Variants in ZNF532 observed in about 807,000 individuals in gnomAD.
The protein encoded by ZNF532 is zinc finger protein 532.
ZNF532 carries 22 observed loss-of-function variants against 89.3 expected under a neutral mutation model. The ratio of observed to expected loss-of-function variants is 0.25; its 90% CI spans 0.18 to 0.35. ZNF532 has a LOEUF of 0.35. Ranked by LOEUF, ZNF532 falls within the 10% of genes least tolerant of loss-of-function variation. ZNF532 has a pLI of 1.00. For missense variants in ZNF532, 1,132 were observed against 1,643.4 expected (o/e 0.69, Z 5.38); for synonymous variants, 606 against 649.6 (o/e 0.93, Z 1.02).
upstream of ZNF532, chr18:58,864,280 C>G (rs1184214315): frequency 6.9e-6 from 1 of 145,250 alleles, no homozygotes; most frequent in Non-Finnish European, 1.5e-5. Context: ...GTGGTGGTGA[C>G]AGGGCTGGGA....
At chr18:58,928,863 G>A (rs967796752) in intron 3 of ZNF532, among the ~76,000 whole-genome samples, 7 of 152,216 alleles carry the variant, frequency 4.6e-5, no homozygotes, top group African/African-American at 1.7e-4. Flanking sequence ...AAGTATTTAA[G>A]AGCTGAGGAC....
At chr18:58,925,167 G>A (rs950499008) in intron 3 of ZNF532, among the ~76,000 whole-genome samples, 1 of 152,068 alleles carries the variant, frequency 6.6e-6, no homozygotes, top group South Asian at 2.1e-4. Context: ...TGTTTTACAT[G>A]GTATTTGCAC....
chr18:58,975,628 G>A (rs574826096), intron 7 of ZNF532, among the ~76,000 whole-genome samples: 1 of 152,328 alleles, frequency 6.6e-6, no homozygotes, highest in South Asian at 2.1e-4. Flanking sequence ...AAGGAGGCGG[G>A]ATTAATGCTT....
At chr18:58,977,686 C>T (rs1301760831) in intron 7 of ZNF532, 1 of 152,104 alleles carries the variant, frequency 6.6e-6, no homozygotes, top group African/African-American at 2.4e-5. Context: ...CTTGTCTCTA[C>T]TAAAAATACA....
At chr18:58,900,256 G>A (rs1212658458) in intron 2 of ZNF532, among the ~76,000 whole-genome samples, 1 of 152,242 alleles carries the variant, frequency 6.6e-6, no homozygotes, top group Admixed American at 6.5e-5. Context: ...TTTCACTGGT[G>A]CTTTTGTTTT....
intron 3 of ZNF532, among the ~76,000 whole-genome samples, chr18:58,933,932 G>T (rs1365752383): frequency 2.0e-5 from 3 of 152,126 alleles, no homozygotes; most frequent in Non-Finnish European, 2.9e-5. Flanking sequence ...ACAAATAATT[G>T]CTGTAGCCAT....
chr18:58,979,102 G>T lies in ZNF532; in HGVS notation c.3198G>T (p.Ser1066=), dbSNP rs199973703. 1 of 1,613,068 alleles carries T rather than the reference G, an allele frequency of 6.2e-7. No individual in the cohort carries two copies. ...PCRQCDKSFS[S]SHSLCRHNRI... is the part of the protein sequence containing the mutation. ...GCCAGTGTGACAAGTCTTTCAGCTC[G>T]TCCCACAGCCTGTGCCGGCACAACC... is the stretch of plus-strand genomic sequence containing the variant. The change falls in exon 8 of 10, where the codon TCG becomes TCT. Residue 1066 remains serine, a synonymous_variant. Transcript: ENST00000591808.
intron 3 of ZNF532, chr18:58,934,103 A>G (rs1568360049): frequency 5.0e-6 from 1 of 200,350 alleles, no homozygotes; most frequent in Admixed American, 5.4e-5. Context: ...ACTATATATT[A>G]AAGTCTTTTG....
chr18:58,919,025 C>T lies in ZNF532; in HGVS notation c.738C>T (p.Ser246=), dbSNP rs201955769. 85 of 1,613,660 alleles carry T rather than the reference C, an allele frequency of 5.3e-5. No homozygotes were observed. The East Asian group carries it at 1.1e-3, about 21-fold the overall frequency. Residue 246 remains serine, a synonymous_variant, in exon 3 of 10, where the codon TCC becomes TCT. Transcript: ENST00000591808. The surrounding 1 kb of genome is among the most constrained non-coding windows in gnomAD (Gnocchi z 6.1). ...GAGTCCTAGATGGGAAGCTGAGCTC[C>T]GAGAAGAATGACACCAGCCTCCCCA... ...ENRVLDGKLS[S]EKNDTSLPSV...
chr18:58,901,414 A>T (rs1463841418), intron 2 of ZNF532, among the ~76,000 whole-genome samples: 1 of 152,164 alleles, frequency 6.6e-6, no homozygotes, highest in Admixed American at 6.5e-5. Context: ...CTGTAGAGCC[A>T]TTGTGCAGAG....
At chr18:58,884,976 AG>A (rs2058183230) in intron 2 of ZNF532, among the ~76,000 whole-genome samples, 1 of 133,446 alleles carries the variant, frequency 7.5e-6, no homozygotes. Flanking sequence ...TACCAGTACA[AG>A]GGTTTTTTTT....
chr18:58,884,655 C>T (rs1827515264), intron 2 of ZNF532, among the ~76,000 whole-genome samples: 1 of 152,188 alleles, frequency 6.6e-6, no homozygotes. Flanking sequence ...CAAAGGAATG[C>T]TTCTAAAGTT....
Position 58,956,931 on chromosome 18 carries a change from C to T in ZNF532, c.3150+3132C>T, listed in dbSNP as rs558436079. ...TTCAACCACTCTTATAACTTTGCTT[C>T]TCGTGTACAGTATATATACAGATAG... On this transcript the variant is annotated intron_variant, in intron 7 of 9. Coordinates refer to ENST00000591808, the MANE Select transcript of ZNF532 (RefSeq NM_001375912.1). Among the ~76,000 whole-genome samples the T allele has an allele frequency of 9.2e-5, 14 of 152,292 alleles. No individual in the cohort carries two copies. The South Asian group carries it at 2.7e-3, about 29-fold the overall frequency.
intron 6 of ZNF532, 49 bp from the exon 7 acceptor site, chr18:58,953,469 T>G (rs2064429223): frequency 6.5e-7 from 1 of 1,532,002 alleles, no homozygotes; most frequent in Admixed American, 2.0e-5. Context: ...TGTGCTTTCT[T>G]TTAGTGTTGT....
At chr18:58,929,320 T>C (rs1373348873) in intron 3 of ZNF532, among the ~76,000 whole-genome samples, 1 of 152,176 alleles carries the variant, frequency 6.6e-6, no homozygotes, top group Admixed American at 6.5e-5. Context: ...TTCACTTTAG[T>C]TTCAGGAACT....
At chr18:58,927,902 A>G (rs1463869040) in intron 3 of ZNF532, among the ~76,000 whole-genome samples, 1 of 152,072 alleles carries the variant, frequency 6.6e-6, no homozygotes, top group East Asian at 1.9e-4. Flanking sequence ...CATTTTCTCC[A>G]CCCAGTGTAA....
intron 2 of ZNF532, among the ~76,000 whole-genome samples, chr18:58,888,897 A>ATAT (rs1237677866): frequency 1.3e-5 from 1 of 77,536 alleles, no homozygotes; most frequent in Non-Finnish European, 2.4e-5. Context: ...TATTTTATAT[A>ATAT]TATATATATA....
Position 58,984,094 on chromosome 18 carries a change from G to A in ZNF532, c.3534G>A (p.Val1178=). Residue 1178 remains valine, a synonymous_variant, in exon 10 of 10, where the codon GTG becomes GTA. Transcript: ENST00000591808. ...TTTTTAAGGTTCACAAGTGTGCCGTGTGTGGCTTCACCACCGAAAACCTGC... is the reference window on the plus strand; with the variant it reads ...TTTTTAAGGTTCACAAGTGTGCCGTATGTGGCTTCACCACCGAAAACCTGC... ...INVFKVHKCA[V]CGFTTENLLQ... The A allele has an allele frequency of 6.2e-7, 1 of 1,611,848 alleles. No homozygotes were observed. The highest frequency in any genetic ancestry group is 8.5e-7 in the Non-Finnish European group (1 of 1,179,838).
intron 7 of ZNF532, among the ~76,000 whole-genome samples, chr18:58,957,467 G>A (rs1053505892): frequency 4.1e-5 from 6 of 146,724 alleles, no homozygotes; most frequent in Non-Finnish European, 7.4e-5. Context: ...TAATCTAAAC[G>A]TATTCTGCCA....
Sources: allele counts gnomAD v4.1 joint callset (sites outside exome capture counted in the v4.1 genomes callset), GRCh38; gene constraint gnomAD v4.1.1; non-coding constraint Gnocchi (gnomAD v3.1); transcripts MANE v1.5; gene names NCBI Gene and HGNC (gene_info 2026-07-23, HGNC 2026-07-21).